MITD1: variants seen among roughly 807,000 people sequenced by gnomAD.
The protein encoded by MITD1 is microtubule interacting and trafficking domain containing 1, also known as MIT domain-containing protein 1.
MITD1 carries 24 observed loss-of-function variants against 34.9 expected under a neutral mutation model. The ratio of observed to expected loss-of-function variants is 0.69; its 90% CI spans 0.50 to 0.97. MITD1 has a LOEUF of 0.97. MITD1 is among the 50% of genes least tolerant of loss of function. MITD1 has a pLI of 0.00. For missense variants in MITD1, 266 were observed against 294.6 expected (o/e 0.90, Z 0.71); for synonymous variants, 102 against 101.4 (o/e 1.01, Z -0.04).
At chr2:99,173,336 G>A in intron 2 of MITD1, 1 of 375,688 alleles carries the variant, frequency 2.7e-6, no homozygotes, top group Non-Finnish European at 5.8e-6. Context: ...CTCAGGTAAG[G>A]GTGGAAATGG....
At position 99,171,589 on chromosome 2, in the gene MITD1, T is replaced by C; in HGVS notation, c.311A>G (p.Glu104Gly). The change falls in exon 3 of 7, where the codon GAG (glutamate) becomes GGG (glycine). Residue 104 changes from glutamate to glycine, a missense_variant. Physicochemically the swap from Glu to Gly is moderately conservative, Grantham distance 98. Coordinates refer to ENST00000289359, the MANE Select transcript of MITD1 (RefSeq NM_138798.3). ...ATTAAGGTATTCGCGAAAAAGTGAC[T>C]CATAACTGAAACCTGTTGCATTCTC... ...IEENATGFSY[E>G]SLFREYLNET... 1 of 1,613,148 alleles carries C rather than the reference T, an allele frequency of 6.2e-7. No individual in the cohort carries two copies. Among genetic ancestry groups the C allele is most frequent in the Non-Finnish European group, 8.5e-7 (1 of 1,179,310 alleles).
intron 5 of MITD1, among the ~76,000 whole-genome samples, chr2:99,169,929 C>G (rs1405193480): frequency 1.3e-5 from 2 of 152,188 alleles, no homozygotes; most frequent in African/African-American, 4.8e-5. Flanking sequence ...GTTCCCCTAC[C>G]TAGAGATGGG....
downstream of MITD1, among the ~76,000 whole-genome samples, chr2:99,166,861 ATATATATATATAT>A (rs1253712542): frequency 8.4e-5 from 1 of 11,926 alleles, no homozygotes; most frequent in African/African-American, 2.2e-4. Context: ...GGTTTTAAAT[ATATATATATATAT>A]ATATATATAT....
chr2:99,174,124 A>T (rs547817729), intron 1 of MITD1, 108 bp from the exon 2 acceptor site: 1 of 631,882 alleles, frequency 1.6e-6, no homozygotes, highest in East Asian at 2.9e-5. Flanking sequence ...ATCCTCTAGT[A>T]TGGCTTGCCT....
At chr2:99,168,946 A>ATTTTTTTTTTT (rs1175310553), downstream of MITD1, among the ~76,000 whole-genome samples, 2 of 49,310 alleles carry the variant, frequency 4.1e-5, no homozygotes, top group African/African-American at 6.6e-5. Flanking sequence ...TGCCCGGCTA[A>ATTTTTTTTTTT]TTTTTTTTTT....
rs35419218 is a variant in MITD1 at position 99,163,179 on chromosome 2, C to CA, written c.*4-962dup. On this transcript the variant is annotated intron_variant, in intron 7 of 7. Transcript: ENST00000422537. ...AAAACCTAGTCTCTTTTAGTAACGT[C>CA]AAAAAAAAAAAACAAAACACAACAA... The CA allele has an allele frequency of 0.28, 94,224 of 335,342 alleles. 6,128 individuals carry two copies. Among genetic ancestry groups the CA allele is most frequent in the East Asian group, 0.43 (7,651 of 17,596 alleles). 20.8% of individuals were successfully genotyped at this position (335,342 alleles called of 1,614,324 possible).
intron 7 of MITD1, chr2:99,163,113 G>A: frequency 5.4e-5 from 70 of 1,286,764 alleles, no homozygotes; most frequent in South Asian, 3.4e-4. Flanking sequence ...GTTTCAATTA[G>A]AAAATAAAAT....
downstream of MITD1, among the ~76,000 whole-genome samples, chr2:99,168,459 TG>T: frequency 6.6e-6 from 1 of 152,336 alleles, no homozygotes; most frequent in South Asian, 2.1e-4. Context: ...CTTTGAGCTG[TG>T]GACCGCCCAC....
chr2:99,180,742 A>G (rs2093913797), intron 1 of MITD1, 89 bp downstream of exon 1: 2 of 1,160,602 alleles, frequency 1.7e-6, no homozygotes, highest in Non-Finnish European at 2.5e-6. Flanking sequence ...GGTGTGGAAA[A>G]ATCATTTTTA....
Position 99,162,700 on chromosome 2 carries a change from T to C in MITD1, c.*4-482A>G, listed in dbSNP as rs370638402. The C allele has an allele frequency of 3.1e-6, 5 of 1,614,044 alleles. No individual in the cohort carries two copies. In the African/African-American group the frequency reaches 6.7e-5, roughly 22 times the overall value. The stretch of plus-strand genomic sequence containing the variant: ...CAAATTGATAATCACATTCACCTAA[T>C]AAACCCAACGGATGAGACACTGTTT... On this transcript the variant is annotated intron_variant, in intron 7 of 7. Coordinates refer to the MITD1 transcript ENST00000422537.
intron 7 of MITD1, among the ~76,000 whole-genome samples, chr2:99,164,236 T>C (rs1366495038): frequency 6.6e-6 from 1 of 152,192 alleles, no homozygotes; most frequent in Non-Finnish European, 1.5e-5. Flanking sequence ...TCTTACCTTG[T>C]CACAAACCTT....
At position 99,169,560 on chromosome 2, in the gene MITD1, T is replaced by C. The variant is rs768657648; in HGVS notation, c.644A>G (p.Lys215Arg). Residue 215 changes from lysine (K) to arginine (R), a missense_variant, in exon 6 of 7, where the codon AAG becomes AGG. Lys to Arg is a conservative substitution (Grantham distance 26). Coordinates refer to ENST00000289359, the MANE Select transcript of MITD1 (RefSeq NM_138798.3). ...AAGATTATATCCTACCTGTGGTTTC[T>C]TAAAATAATCAAGTCCCCTTCCAAT... ...IKIGRGLDYF[K>R]KPQSRFSLGY... 6.8e-6 allele frequency: 11 copies of C among 1,610,220 alleles called. No homozygotes were observed. In the South Asian group the frequency reaches 1.2e-4, roughly 18 times the overall value.
In MITD1 at chr2:99,174,012, G is replaced by A. The variant is rs1442500910; in HGVS notation, c.156C>T (p.Thr52=). ...IDLLLQVLKG[T]KDNTKRCNLR... The stretch of plus-strand genomic sequence containing the variant: ...GATTACATCTCTTAGTATTATCTTT[G>A]GTACCTACAAATTTAAAAATATATA... Residue 52 remains threonine (T), a synonymous_variant, in exon 2 of 7, where the codon ACC becomes ACT. Transcript: ENST00000289359. 7.0e-7 allele frequency: 1 copy of A among 1,429,046 alleles called. No individual in the cohort carries two copies. Among genetic ancestry groups the A allele is most frequent in the Non-Finnish European group, 9.7e-7 (1 of 1,030,596 alleles). The allele number at this position is 1,429,046 out of a possible 1,614,324, so 88.5% of individuals were successfully genotyped here.
downstream of MITD1, among the ~76,000 whole-genome samples, chr2:99,168,398 C>T (rs2093836728): frequency 6.6e-6 from 1 of 152,232 alleles, no homozygotes; most frequent in Admixed American, 6.5e-5. Flanking sequence ...GCCTTTGCCT[C>T]CCAAAGTGCT....
At chr2:99,164,420 A>G (rs1055622460), downstream of MITD1, among the ~76,000 whole-genome samples, 25 of 152,284 alleles carry the variant, frequency 1.6e-4, no homozygotes, top group East Asian at 2.3e-3. Context: ...ACTGGGCTCA[A>G]GTGATCCTGT....
downstream of MITD1, among the ~76,000 whole-genome samples, chr2:99,168,774 C>T (rs2093838541): frequency 6.6e-6 from 1 of 151,686 alleles, no homozygotes; most frequent in South Asian, 2.1e-4. Flanking sequence ...GACCCCAAGC[C>T]CATCTGTCTC....
At chr2:99,162,182 T>C (rs2093798815) in exon 8 of MITD1, 1 of 1,613,966 alleles carries the variant, frequency 6.2e-7, no homozygotes, top group African/African-American at 1.3e-5. Context: ...TTGTAATTGG[T>C]AGGCATCAAA....
downstream of MITD1, among the ~76,000 whole-genome samples, chr2:99,166,858 A>AATATATATATAT (rs10584187): frequency 9.4e-3 from 1,087 of 115,098 alleles, 15 homozygotes; most frequent in Non-Finnish European, 0.013. Flanking sequence ...TGGGGTTTTA[A>AATATATATATAT]ATATATATAT....
chr2:99,171,272 C>T (rs532680338), intron 4 of MITD1, 71 bp downstream of exon 4: 22 of 1,149,166 alleles, frequency 1.9e-5, no homozygotes, highest in Non-Finnish European at 2.6e-5. Flanking sequence ...CATCTGTGTT[C>T]TCCTTGACTG....
Sources: allele counts gnomAD v4.1 joint callset (sites outside exome capture counted in the v4.1 genomes callset), GRCh38; gene constraint gnomAD v4.1.1; transcripts MANE v1.5; gene names NCBI Gene and HGNC (gene_info 2026-07-23, HGNC 2026-07-21).